ZSCAN5A: variants seen among roughly 807,000 people sequenced by gnomAD.
The protein encoded by ZSCAN5A is zinc finger and SCAN domain-containing protein 5A.
In ZSCAN5A, 12 loss-of-function variants were observed where a neutral mutation model predicts 23.7. That is an observed-to-expected ratio of 0.51 (90% CI 0.32 to 0.82). ZSCAN5A has a LOEUF of 0.82. Among genes scored for constraint, ZSCAN5A ranks in the 40% least tolerant of loss-of-function variants. The pLI is 0.03. For missense variants in ZSCAN5A, 597 were observed against 617.9 expected (o/e 0.97, Z 0.36); for synonymous variants, 257 against 239.9 (o/e 1.07, Z -0.66).
intron 2 of ZSCAN5A, among the ~76,000 whole-genome samples, chr19:56,291,344 C>T (rs2039494587): frequency 1.3e-5 from 2 of 152,182 alleles, no homozygotes; most frequent in Admixed American, 1.3e-4. Flanking sequence ...AACTGAATAC[C>T]TGGGGCTTCT....
intron 2 of ZSCAN5A, chr19:56,243,943 T>C (rs192634712): frequency 2.1e-5 from 12 of 580,050 alleles, no homozygotes; most frequent in Non-Finnish European, 3.1e-5. Context: ...GAATCTATTA[T>C]TGAGGAAAAC....
chr19:56,268,697 T>C (rs2037639411), intron 2 of ZSCAN5A, among the ~76,000 whole-genome samples: 1 of 152,192 alleles, frequency 6.6e-6, no homozygotes, highest in African/African-American at 2.4e-5. Context: ...TTTAGTGCAT[T>C]CTCGATGTTG....
intron 2 of ZSCAN5A, among the ~76,000 whole-genome samples, chr19:56,304,162 C>G (rs34008538): frequency 0.095 from 14,437 of 152,246 alleles, 740 homozygotes; most frequent in Middle Eastern, 0.14. Context: ...GGAGGAGACA[C>G]ACTGAGAGGA....
chr19:56,224,512 A>G (rs1301709398), intron 3 of ZSCAN5A, 151 bp downstream of exon 3: 15 of 1,090,186 alleles, frequency 1.4e-5, no homozygotes, highest in Non-Finnish European at 1.7e-5. Context: ...AACTGTCCCC[A>G]GACACTGCCA....
chr19:56,322,728 G>A (rs1399424879), intron 2 of ZSCAN5A, among the ~76,000 whole-genome samples: 1 of 152,058 alleles, frequency 6.6e-6, no homozygotes, highest in African/African-American at 2.4e-5. Flanking sequence ...GGCTGCTCAA[G>A]TCCACTGCAT....
intron 2 of ZSCAN5A, among the ~76,000 whole-genome samples, chr19:56,334,369 T>G (rs60720475): frequency 0.01 from 1,595 of 152,374 alleles, 27 homozygotes; most frequent in African/African-American, 0.036. Flanking sequence ...TGATCTGATC[T>G]TGCACAAATT....
intron 2 of ZSCAN5A, among the ~76,000 whole-genome samples, chr19:56,272,585 T>C (rs1023349996): frequency 2.0e-5 from 3 of 152,224 alleles, no homozygotes; most frequent in African/African-American, 7.2e-5. Flanking sequence ...CAGCAGATCA[T>C]AGGATGACAA....
chr19:56,350,728 C>T (rs1202157533), intron 2 of ZSCAN5A, among the ~76,000 whole-genome samples: 1 of 152,084 alleles, frequency 6.6e-6, no homozygotes, highest in African/African-American at 2.4e-5. Context: ...TCTAACAGGG[C>T]CCCCCACTAA....
intron 2 of ZSCAN5A, among the ~76,000 whole-genome samples, chr19:56,231,934 G>A (rs1168776246): frequency 6.6e-6 from 1 of 150,988 alleles, no homozygotes; most frequent in Non-Finnish European, 1.5e-5. Context: ...ACAACCACTG[G>A]TGTTCTCTGT....
At chr19:56,360,348 C>G (rs1390630858) in intron 2 of ZSCAN5A, among the ~76,000 whole-genome samples, 1 of 152,060 alleles carries the variant, frequency 6.6e-6, no homozygotes, top group Non-Finnish European at 1.5e-5. Context: ...AATAAAACAC[C>G]TAGAAATACA....
chr19:56,230,480 A>C (rs953816201), intron 2 of ZSCAN5A, among the ~76,000 whole-genome samples: 1 of 152,086 alleles, frequency 6.6e-6, no homozygotes, highest in Non-Finnish European at 1.5e-5. Context: ...TAACATCTCC[A>C]TCACCTCACA....
In ZSCAN5A at chr19:56,222,659, T is replaced by G. The variant is rs766115556; in HGVS notation, c.671A>C (p.Asp224Ala). 6.2e-6 allele frequency: 10 copies of G among 1,614,078 alleles called. No homozygotes were observed. The highest frequency in any genetic ancestry group is 1.7e-5 in the Admixed American group (1 of 60,004). ...SLRPKQTLEK[D>A]LKENREENPG... ...GTTCTCTTCCCTGTTTTCCTTCAGA[T>G]CCTTCTCCAAGGTCTGCTTGGGTCT... Residue 224 changes from aspartate to alanine, a missense_variant, in exon 5 of 6, where the codon GAT becomes GCT. By Grantham distance (126) the Asp-to-Ala change is moderately radical (BLOSUM62 -2). Transcript: ENST00000683990.
intron 2 of ZSCAN5A, among the ~76,000 whole-genome samples, chr19:56,329,955 C>A (rs983597129): frequency 3.3e-5 from 5 of 152,056 alleles, no homozygotes; most frequent in African/African-American, 1.2e-4. Flanking sequence ...GCACAGTACC[C>A]AATAGTTTTT....
chr19:56,290,421 G>A (rs1342991563), intron 2 of ZSCAN5A, among the ~76,000 whole-genome samples: 1 of 152,218 alleles, frequency 6.6e-6, no homozygotes, highest in Non-Finnish European at 1.5e-5. Flanking sequence ...TGACCCTTTA[G>A]AGGTCAGACA....
At position 56,222,240 on chromosome 19, in the gene ZSCAN5A, C is replaced by T. The variant is rs762073087; in HGVS notation, c.826G>A (p.Val276Ile). The T allele has an allele frequency of 9.9e-6, 16 of 1,613,932 alleles. No individual in the cohort carries two copies. Among genetic ancestry groups the T allele is most frequent in the East Asian group, 4.5e-5 (2 of 44,870 alleles). The change falls in exon 6 of 6, where the codon GTT becomes ATT. Residue 276 changes from valine (V) to isoleucine (I), a missense_variant. This residue lies in a region of ZSCAN5A where 406 missense variants were observed against 353.2 expected (regional missense o/e 1.15). Coordinates refer to ENST00000683990, the MANE Select transcript of ZSCAN5A (RefSeq NM_001322064.3). ...NVDADTPSAC[V>I]VEREASTHSG... Reference sequence around the variant, plus strand: ...TGAGTCGAAGCTTCTCTCTCCACAACGCAGGCAGAAGGTGTGTCAGCATCC... The same window carrying T: ...TGAGTCGAAGCTTCTCTCTCCACAATGCAGGCAGAAGGTGTGTCAGCATCC...
intron 2 of ZSCAN5A, among the ~76,000 whole-genome samples, chr19:56,226,332 C>T (rs1186478932): frequency 6.6e-6 from 1 of 152,122 alleles, no homozygotes; most frequent in Non-Finnish European, 1.5e-5. Context: ...ACACATCTCA[C>T]GGGGCTCCTG....
upstream of ZSCAN5A, among the ~76,000 whole-genome samples, chr19:56,319,391 G>A (rs2041350578): frequency 6.7e-6 from 1 of 149,310 alleles, no homozygotes; most frequent in Non-Finnish European, 1.5e-5. Context: ...CACTACCCGG[G>A]GGGCTGAAGC....
intron 1 of ZSCAN5A, among the ~76,000 whole-genome samples, chr19:56,366,606 C>G (rs1293682386): frequency 1.3e-5 from 2 of 152,142 alleles, no homozygotes; most frequent in Non-Finnish European, 2.9e-5. Flanking sequence ...CTATTGACTT[C>G]CCACTGGAAT....
At chr19:56,246,946 G>A in intron 2 of ZSCAN5A, 2 of 1,548,398 alleles carry the variant, frequency 1.3e-6, no homozygotes, top group South Asian at 1.1e-5. Context: ...AGCCACACCT[G>A]TGGGCAACAG....
Sources: gnomAD v4.1 joint callset for allele counts (sites outside exome capture counted in the v4.1 genomes callset) on GRCh38, gnomAD v4.1.1 for gene constraint, gnomAD v4.1.1 regional missense constraint, MANE v1.5 for transcripts, NCBI Gene and HGNC (gene_info 2026-07-23, HGNC 2026-07-21) for gene names.